DENND1A: variants seen among roughly 807,000 people sequenced by gnomAD.
DENND1A encodes DENN domain-containing protein 1A.
A neutral mutation model predicts 113.7 loss-of-function variants in DENND1A; 51 were observed. That is an observed-to-expected ratio of 0.45 (90% CI 0.36 to 0.57). The LOEUF is 0.57. Among genes scored for constraint, DENND1A ranks in the 20% least tolerant of loss-of-function variants. The pLI, the probability that DENND1A is intolerant of heterozygous loss-of-function variation, is 0.00. For synonymous variants in DENND1A, 565 were observed against 570.8 expected, an observed-to-expected ratio of 0.99 and a Z score of 0.14; for missense variants, 1,258 against 1,395.9, an observed-to-expected ratio of 0.90 and a Z score of 1.57.
chr9:123,656,059 T>C (rs901795779), intron 8 of DENND1A, among the ~76,000 whole-genome samples: 1 of 152,200 alleles, frequency 6.6e-6, no homozygotes, highest in Non-Finnish European at 1.5e-5. Context: ...CAGGCATGGC[T>C]GAGAAGCCTC....
At chr9:123,452,565 A>T (rs2047810394) in intron 16 of DENND1A, among the ~76,000 whole-genome samples, 1 of 151,542 alleles carries the variant, frequency 6.6e-6, no homozygotes, top group South Asian at 2.1e-4. Context: ...TGGACTGGGG[A>T]TGAGGAGTGT....
In DENND1A at chr9:123,381,745, C is replaced by T. The variant is rs770704072; in HGVS notation, c.2900G>A (p.Ser967Asn). The change falls in exon 24 of 24, where the codon AGC (serine) becomes AAC (asparagine). Residue 967 changes from serine to asparagine, a missense_variant. Ser to Asn is a conservative substitution (Grantham distance 46, BLOSUM62 1). This residue lies in a region of DENND1A where 1,159 missense variants were observed against 1,231.7 expected (regional missense o/e 0.94). Transcript: ENST00000394215. This position sits in a 1 kb window ranked among gnomAD's most constrained non-coding sequence, Gnocchi z 4.7. ...FGQMPMGTHTSPLQPLGPPAV... is the reference protein window; with the variant it reads ...FGQMPMGTHTNPLQPLGPPAV... ...TGGGGGACCCAGCGGCTGTAGGGGG[C>T]TCGTGTGGGTGCCCATGGGCATCTG... The T allele has an allele frequency of 2.6e-6, 4 of 1,514,886 alleles. No individual in the cohort carries two copies. In the South Asian group the frequency reaches 3.9e-5, roughly 15 times the overall value. 93.8% of individuals were successfully genotyped at this position (1,514,886 alleles called of 1,614,324 possible).
intron 6 of DENND1A, 60 bp from the exon 7 acceptor site, chr9:123,671,431 G>T (rs997430591): frequency 1.9e-6 from 3 of 1,549,290 alleles, no homozygotes; most frequent in Non-Finnish European, 1.8e-6. Flanking sequence ...TAAGATACCT[G>T]CAGGGAGGTC....
intron 2 of DENND1A, among the ~76,000 whole-genome samples, chr9:123,851,886 A>T (rs572407282): frequency 3.3e-5 from 5 of 152,320 alleles, no homozygotes; most frequent in Non-Finnish European, 7.4e-5. Context: ...TTGCAAACAC[A>T]GGTTCTCTTT....
At chr9:123,545,872 G>A (rs752881815) in intron 13 of DENND1A, among the ~76,000 whole-genome samples, 1 of 152,114 alleles carries the variant, frequency 6.6e-6, no homozygotes. Context: ...GCTTGAAAAT[G>A]GATCAGAAAG....
intron 1 of DENND1A, among the ~76,000 whole-genome samples, chr9:123,886,187 G>C (rs544288672): frequency 2.0e-5 from 3 of 147,100 alleles, no homozygotes; most frequent in Non-Finnish European, 4.5e-5. Flanking sequence ...TTTTTGTTTT[G>C]TTTTTTTTTT....
rs1588369447 is a variant in DENND1A, at chr9:123,406,878, C to T, written c.1543-3388G>A. On this transcript the variant is annotated intron_variant, in intron 20 of 23. Coordinates refer to ENST00000394215, the MANE Select transcript of DENND1A (RefSeq NM_001352964.2). Reference sequence around the variant, plus strand: ...GGAAAGGTCAGACTTTAAGGCCTGTCAGCTCATCCTTGCACAGGGCTGCTC... The same window carrying T: ...GGAAAGGTCAGACTTTAAGGCCTGTTAGCTCATCCTTGCACAGGGCTGCTC... Among the ~76,000 whole-genome samples the T allele has an allele frequency of 3.3e-5, 5 of 152,286 alleles. No homozygotes were observed. The South Asian group carries it at 1.0e-3, about 32-fold the overall frequency.
Position 123,470,484 on chromosome 9 carries a change from TGAG to T in DENND1A, c.994-12590_994-12588del, listed in dbSNP as rs760953468. ...TGATTAGAGATTTCTGTTTCCCTAG[TGAG>T]GAGAACACGGTTTGAGGAAGTGCAC... is the stretch of plus-strand genomic sequence containing the variant. On this transcript the variant is annotated intron_variant, in intron 13 of 23. Coordinates refer to ENST00000394215, the MANE Select transcript of DENND1A (RefSeq NM_001352964.2). 2.6e-5 allele frequency among the ~76,000 whole-genome samples: 4 copies of T among 152,174 alleles called. No homozygotes were observed. The South Asian group carries it at 8.3e-4, about 32-fold the overall frequency.
chr9:123,667,930 A>G (rs562003526), intron 7 of DENND1A, among the ~76,000 whole-genome samples: 9 of 152,172 alleles, frequency 5.9e-5, no homozygotes, highest in Admixed American at 2.0e-4. Flanking sequence ...CCCGAAGCCC[A>G]CTCCACCATA....
intron 1 of DENND1A, among the ~76,000 whole-genome samples, chr9:123,918,350 T>C (rs796501942): frequency 2.8e-4 from 42 of 151,782 alleles, no homozygotes; most frequent in African/African-American, 8.9e-4. Flanking sequence ...TAGCCGGGCG[T>C]GGCGGCGGGC....
chr9:123,726,956 G>C (rs946769797), intron 5 of DENND1A, among the ~76,000 whole-genome samples: 1 of 152,128 alleles, frequency 6.6e-6, no homozygotes, highest in Non-Finnish European at 1.5e-5. Flanking sequence ...CTGTGGTAGA[G>C]GGCTTATGTT....
At chr9:123,784,998 T>C (rs766157090) in intron 3 of DENND1A, among the ~76,000 whole-genome samples, 9 of 152,094 alleles carry the variant, frequency 5.9e-5, no homozygotes, top group Non-Finnish European at 1.0e-4. Flanking sequence ...TTCACCCTTC[T>C]CTGGAAATGG....
Position 123,498,410 on chromosome 9 carries a change from C to T in DENND1A, c.994-40513G>A, listed in dbSNP as rs781116282. On this transcript the variant is annotated intron_variant, in intron 13 of 23. Coordinates refer to ENST00000394215, the MANE Select transcript of DENND1A (RefSeq NM_001352964.2). The stretch of plus-strand genomic sequence containing the variant: ...AGCAGAGCTTGTCCAAGATCACCAG[C>T]GTGCTGGTCAACAGCTGAGCTTGTC... 3.9e-5 allele frequency among the ~76,000 whole-genome samples: 6 copies of T among 152,174 alleles called. No homozygotes were observed. The South Asian group carries it at 6.2e-4, about 16-fold the overall frequency.
intron 12 of DENND1A, among the ~76,000 whole-genome samples, chr9:123,580,997 G>C (rs1486422802): frequency 6.6e-6 from 1 of 152,060 alleles, no homozygotes; most frequent in Non-Finnish European, 1.5e-5. Flanking sequence ...AGAAAGGAGA[G>C]ATCACCTGTT....
chr9:123,670,052 T>C (rs1485158785), intron 7 of DENND1A, among the ~76,000 whole-genome samples: 1 of 152,240 alleles, frequency 6.6e-6, no homozygotes, highest in Non-Finnish European at 1.5e-5. Flanking sequence ...AATATCTATT[T>C]TGTAAACTTG....
intron 2 of DENND1A, among the ~76,000 whole-genome samples, chr9:123,872,217 T>G (rs1363240888): frequency 6.6e-6 from 1 of 152,146 alleles, no homozygotes; most frequent in Non-Finnish European, 1.5e-5. Context: ...AGATCAAAGA[T>G]CTCCTCAAAA....
intron 5 of DENND1A, among the ~76,000 whole-genome samples, chr9:123,678,203 GC>G (rs2064215492): frequency 6.6e-6 from 1 of 152,152 alleles, no homozygotes; most frequent in African/African-American, 2.4e-5. Flanking sequence ...AGAGGAAGGG[GC>G]CTATCTTTCT....
At chr9:123,739,665 T>C (rs1318924635) in intron 5 of DENND1A, among the ~76,000 whole-genome samples, 1 of 152,048 alleles carries the variant, frequency 6.6e-6, no homozygotes, top group Admixed American at 6.6e-5. Context: ...TGAAAGACAC[T>C]CCCAGCTGGA....
Position 123,484,298 on chromosome 9 carries a change from C to T in DENND1A, c.994-26401G>A, listed in dbSNP as rs186606188. Reference sequence around the variant, plus strand: ...AACACTGAGCAACTAGACAGCCTAGCGCAGACCTCTCGATTGGGGCAAAGG... The same window carrying T: ...AACACTGAGCAACTAGACAGCCTAGTGCAGACCTCTCGATTGGGGCAAAGG... On this transcript the variant is annotated intron_variant, in intron 13 of 23. Coordinates refer to ENST00000394215, the MANE Select transcript of DENND1A (RefSeq NM_001352964.2). Among the ~76,000 whole-genome samples, 12 of 152,304 alleles carry T rather than the reference C, an allele frequency of 7.9e-5. No homozygotes were observed. The East Asian group carries it at 1.9e-3, about 24-fold the overall frequency.
Sources: gnomAD v4.1 joint callset for allele counts (sites outside exome capture counted in the v4.1 genomes callset) on GRCh38, gnomAD v4.1.1 for gene constraint, gnomAD v4.1.1 regional missense constraint, Gnocchi (gnomAD v3.1) non-coding constraint, MANE v1.5 for transcripts, NCBI Gene and HGNC (gene_info 2026-07-23, HGNC 2026-07-21) for gene names.